Variants in NHSL3 observed in about 807,000 individuals in gnomAD.
NHSL3 encodes NHS-like protein 3.
At chr1:32,773,335 C>CCAAGGGCCTGTTTACATGG in the NHSL3 span, 2 of 197,058 alleles carry the variant, frequency 1.0e-5, no homozygotes, top group African/African-American at 4.6e-5. Flanking sequence ...AAGTTGCATT[C>CCAAGGGCCTGTTTACATGG]CAAGGGCCTG....
At chr1:32,758,331 G>A in the NHSL3 span, among the ~76,000 whole-genome samples, 2 of 152,190 alleles carry the variant, frequency 1.3e-5, no homozygotes, top group East Asian at 1.9e-4. Context: ...TGGATTTATT[G>A]TTCCCATTGT....
chr1:32,771,857 G>A, the NHSL3 span: 1 of 1,600,980 alleles, frequency 6.2e-7, no homozygotes, highest in South Asian at 1.1e-5. Flanking sequence ...CGCTCCGTGG[G>A]TGCTCCAGGA....
the NHSL3 span, among the ~76,000 whole-genome samples, chr1:32,757,514 G>A: frequency 1.3e-5 from 2 of 152,110 alleles, no homozygotes; most frequent in Non-Finnish European, 2.9e-5. Flanking sequence ...GAATTGATAA[G>A]ACCTGGGATT....
the NHSL3 span, among the ~76,000 whole-genome samples, chr1:32,746,194 G>C: frequency 7.0e-6 from 1 of 142,396 alleles, no homozygotes; most frequent in Non-Finnish European, 1.5e-5. Flanking sequence ...TCGCGTCACT[G>C]CACTCTAGCC....
chr1:32,742,124 A>G, the NHSL3 span: 4 of 1,246,856 alleles, frequency 3.2e-6, no homozygotes, highest in African/African-American at 1.6e-5. Flanking sequence ...GAGGGCGCCG[A>G]ACCGGCCGCC....
chr1:32,751,047 G>A, the NHSL3 span, among the ~76,000 whole-genome samples: 3 of 152,170 alleles, frequency 2.0e-5, no homozygotes, highest in African/African-American at 7.2e-5. Flanking sequence ...CCGACCTCAG[G>A]TGATCTGCCC....
the NHSL3 span, among the ~76,000 whole-genome samples, chr1:32,768,432 A>G: frequency 2.0e-5 from 3 of 152,158 alleles, no homozygotes; most frequent in Non-Finnish European, 4.4e-5. Flanking sequence ...TGTCTCTACT[A>G]GAAATACAAA....
At chr1:32,771,062 C>G in the NHSL3 span, 1 of 1,613,760 alleles carries the variant, frequency 6.2e-7, no homozygotes, top group African/African-American at 1.3e-5. Flanking sequence ...TCCGTCTCCT[C>G]TTCCCTCACG....
At chr1:32,771,030 G>A in the NHSL3 span, 30 of 1,504,668 alleles carry the variant, frequency 2.0e-5, no homozygotes, top group Middle Eastern at 1.8e-4. Context: ...AGCGTGTCAC[G>A]TCTCTTCGCT....
chr1:32,745,557 C>CAAAAAAAAAAAAA, the NHSL3 span, among the ~76,000 whole-genome samples: 1 of 91,422 alleles, frequency 1.1e-5, no homozygotes, highest in Non-Finnish European at 2.3e-5. Flanking sequence ...GACTAGGTCT[C>CAAAAAAAAAAAAA]AAAAAAAAAA....
the NHSL3 span, chr1:32,742,019 C>T: frequency 3.2e-6 from 4 of 1,239,448 alleles, no homozygotes; most frequent in African/African-American, 3.1e-5. Flanking sequence ...GGCGGCCCCC[C>T]GCGCAGGAAG....
chr1:32,753,912 C>G, the NHSL3 span: 1 of 232,188 alleles, frequency 4.3e-6, no homozygotes, highest in Non-Finnish European at 8.6e-6. Flanking sequence ...CGCCCCTCCT[C>G]CGGGCCCGCC....
chr1:32,774,168 C>T, the NHSL3 span: 5 of 152,694 alleles, frequency 3.3e-5, no homozygotes, highest in Admixed American at 3.3e-4. Flanking sequence ...TGGCTGCCCC[C>T]CAGGGCCACC....
chr1:32,756,150 C>T, the NHSL3 span, among the ~76,000 whole-genome samples: 1 of 152,128 alleles, frequency 6.6e-6, no homozygotes, highest in Non-Finnish European at 1.5e-5. Flanking sequence ...CAAGACAACA[C>T]AGAAATTAAG....
the NHSL3 span, chr1:32,772,190 G>T: frequency 2.5e-6 from 4 of 1,613,292 alleles, no homozygotes; most frequent in East Asian, 8.9e-5. Flanking sequence ...GCAGAACTCC[G>T]GAGCATCTCA....
At chr1:32,772,564 G>A in the NHSL3 span, 1 of 1,414,202 alleles carries the variant, frequency 7.1e-7, no homozygotes, top group Non-Finnish European at 9.3e-7. Context: ...TGCCTGGGAA[G>A]GGCAAGCTGT....
At chr1:32,762,778 C>T in the NHSL3 span, among the ~76,000 whole-genome samples, 2 of 151,946 alleles carry the variant, frequency 1.3e-5, no homozygotes, top group African/African-American at 4.8e-5. Context: ...TTAGTAGAGA[C>T]GGGCTTTCAC....
chr1:32,768,667 C>T, the NHSL3 span: 1 of 1,614,140 alleles, frequency 6.2e-7, no homozygotes, highest in South Asian at 1.1e-5. Context: ...CCGGACGGGG[C>T]CGGATGAAGA....
the NHSL3 span, chr1:32,771,133 A>AC: frequency 1.2e-6 from 2 of 1,610,104 alleles, no homozygotes; most frequent in Non-Finnish European, 1.7e-6. Flanking sequence ...ACAGATATTG[A>AC]CCCCCCTGGG....
Sources: allele counts gnomAD v4.1 joint callset (sites outside exome capture counted in the v4.1 genomes callset), GRCh38; gene constraint gnomAD v4.1.1; transcripts MANE v1.5; gene names NCBI Gene and HGNC (gene_info 2026-07-23, HGNC 2026-07-21).